The following TUBGCP3 variants were observed in gnomAD, a reference collection of about 807,000 sequenced individuals.
TUBGCP3 encodes the protein tubulin gamma complex component 3.
A neutral mutation model predicts 123.1 loss-of-function variants in TUBGCP3; 50 were observed. That is an observed-to-expected ratio of 0.41 (90% CI 0.32 to 0.51). The LOEUF is 0.51. Ranked by LOEUF, TUBGCP3 falls within the 20% of genes least tolerant of loss-of-function variation. TUBGCP3 has a pLI of 0.36. For synonymous variants in TUBGCP3, 405 were observed against 413.9 expected (o/e 0.98, Z 0.26); for missense variants, 882 against 1,127.0 (o/e 0.78, Z 3.11).
At chr13:112,558,506 T>C (rs957969087) in intron 4 of TUBGCP3, 93 bp from the exon 5 acceptor site, 1 of 1,131,000 alleles carries the variant, frequency 8.8e-7, no homozygotes, top group Non-Finnish European at 1.2e-6. Flanking sequence ...ATTTTCCTTC[T>C]ATTTCTGTAA....
At chr13:112,555,390 G>A (rs928778058) in intron 6 of TUBGCP3, among the ~76,000 whole-genome samples, 2 of 152,202 alleles carry the variant, frequency 1.3e-5, no homozygotes, top group African/African-American at 4.8e-5. Context: ...CGCAAGGACA[G>A]GTACAGGTAA....
chr13:112,534,735 C>T (rs1877902193), intron 11 of TUBGCP3, among the ~76,000 whole-genome samples: 1 of 152,124 alleles, frequency 6.6e-6, no homozygotes, highest in African/African-American at 2.4e-5. Flanking sequence ...GCCGGCATCC[C>T]TCACCAAGCG....
chr13:112,508,688 C>A lies in TUBGCP3; in HGVS notation c.2087-3974G>T, dbSNP rs1448895115. On this transcript the variant is annotated intron_variant, in intron 17 of 21. Coordinates refer to ENST00000261965, the MANE Select transcript of TUBGCP3 (RefSeq NM_006322.6). The surrounding 1 kb of genome is among the most constrained non-coding windows in gnomAD (Gnocchi z 4.2). ...CTCACAAGGTATCCTAAAAAATACTCAAATTAGCGTATTTGAATGGAATCA... is the reference window on the plus strand; with the variant it reads ...CTCACAAGGTATCCTAAAAAATACTAAAATTAGCGTATTTGAATGGAATCA... Among the ~76,000 whole-genome samples, 1 of 152,162 alleles carries A rather than the reference C, an allele frequency of 6.6e-6. No individual in the cohort carries two copies. Among genetic ancestry groups the A allele is most frequent in the Non-Finnish European group, 1.5e-5 (1 of 68,028 alleles).
intron 17 of TUBGCP3, among the ~76,000 whole-genome samples, chr13:112,509,918 G>A (rs1392361238): frequency 6.6e-6 from 1 of 152,140 alleles, no homozygotes; most frequent in Non-Finnish European, 1.5e-5. Flanking sequence ...CTGCCAACAT[G>A]CCTAGGATCT....
intron 11 of TUBGCP3, among the ~76,000 whole-genome samples, chr13:112,533,760 G>A (rs1032556695): frequency 6.8e-6 from 1 of 146,728 alleles, no homozygotes; most frequent in African/African-American, 2.5e-5. Context: ...ATTCAGTTTG[G>A]ACACACTAGA....
the TUBGCP3 span, chr13:112,605,322 T>C: frequency 6.6e-6 from 1 of 151,140 alleles, no homozygotes; most frequent in African/African-American, 2.4e-5. Context: ...ATAATGATAA[T>C]AATAATAATA....
At chr13:112,528,274 T>G (rs1459872193) in intron 11 of TUBGCP3, among the ~76,000 whole-genome samples, 1 of 152,268 alleles carries the variant, frequency 6.6e-6, no homozygotes, top group East Asian at 1.9e-4. Flanking sequence ...ATAAACTTGT[T>G]TTATAAAAGC....
intron 6 of TUBGCP3, 141 bp downstream of exon 6, chr13:112,555,911 G>C (rs1262176154): frequency 1.0e-6 from 1 of 963,330 alleles, no homozygotes; most frequent in Non-Finnish European, 1.5e-6. Flanking sequence ...CAGACCACCA[G>C]GGACTCTGGA....
chr13:112,565,018 AAT>A, intron 3 of TUBGCP3, 91 bp downstream of exon 3: 1 of 1,125,668 alleles, frequency 8.9e-7, no homozygotes, highest in Non-Finnish European at 1.2e-6. Context: ...AGAAAAGTTT[AAT>A]ATGATACCAC....
At chr13:112,551,060 C>T (rs9549541) in intron 8 of TUBGCP3, among the ~76,000 whole-genome samples, 22,518 of 151,974 alleles carry the variant, frequency 0.15, 1,977 homozygotes, top group Non-Finnish European at 0.2. Context: ...GATCGCGCCA[C>T]TGCACTCCAG....
chr13:112,590,160 T>G (rs538911575), upstream of TUBGCP3, among the ~76,000 whole-genome samples: 1 of 152,228 alleles, frequency 6.6e-6, no homozygotes, highest in Non-Finnish European at 1.5e-5. Flanking sequence ...GTATTTTTAG[T>G]AGAGACGGGG....
chr13:112,505,743 T>C (rs1881252414), intron 17 of TUBGCP3, among the ~76,000 whole-genome samples: 1 of 152,244 alleles, frequency 6.6e-6, no homozygotes, highest in Non-Finnish European at 1.5e-5. Flanking sequence ...GACGATCAAC[T>C]TATACAAGCA....
chr13:112,523,271 G>A (rs1014902167), intron 13 of TUBGCP3, among the ~76,000 whole-genome samples: 1 of 152,230 alleles, frequency 6.6e-6, no homozygotes, highest in Non-Finnish European at 1.5e-5. Context: ...GCTAGCTGAA[G>A]ACTAAGCAAG....
chr13:112,536,756 T>C (rs1382524140), intron 11 of TUBGCP3, among the ~76,000 whole-genome samples: 3 of 152,140 alleles, frequency 2.0e-5, no homozygotes, highest in African/African-American at 7.2e-5. Context: ...ATAAATCAGA[T>C]CAAGTATCTG....
chr13:112,524,269 G>A lies in TUBGCP3; in HGVS notation c.1556-1760C>T, dbSNP rs1339625675. ...AGCTGTTAAATTGTCTTGGTTTTTT[G>A]TGTATTTTTTTAGTGGCTGCCTTTT... is the stretch of plus-strand genomic sequence containing the variant. On this transcript the variant is annotated intron_variant, in intron 13 of 21. Coordinates refer to ENST00000261965, the MANE Select transcript of TUBGCP3 (RefSeq NM_006322.6). The surrounding 1 kb of genome is among the most constrained non-coding windows in gnomAD (Gnocchi z 4.4). Among the ~76,000 whole-genome samples, 1 of 152,188 alleles carries A rather than the reference G, an allele frequency of 6.6e-6. No homozygotes were observed. Among genetic ancestry groups the A allele is most frequent in the Non-Finnish European group, 1.5e-5 (1 of 68,034 alleles).
intron 20 of TUBGCP3, among the ~76,000 whole-genome samples, chr13:112,492,531 C>A (rs375982486): frequency 6.6e-6 from 1 of 152,268 alleles, no homozygotes; most frequent in African/African-American, 2.4e-5. Context: ...CCAATGACCA[C>A]CTCTCCCCCC....
At chr13:112,565,004 T>A in intron 3 of TUBGCP3, 107 bp downstream of exon 3, 1 of 892,788 alleles carries the variant, frequency 1.1e-6, no homozygotes, top group Non-Finnish European at 1.6e-6. Context: ...CAATTACCAA[T>A]TATAGAAAAG....
At chr13:112,504,405 T>C (rs1235421917) in intron 18 of TUBGCP3, among the ~76,000 whole-genome samples, 1 of 151,070 alleles carries the variant, frequency 6.6e-6, no homozygotes, top group Non-Finnish European at 1.5e-5. Flanking sequence ...GGAGAATCGC[T>C]TGAACCCAGG....
At chr13:112,568,223 C>G (rs985193684) in intron 2 of TUBGCP3, among the ~76,000 whole-genome samples, 3 of 152,044 alleles carry the variant, frequency 2.0e-5, no homozygotes, top group African/African-American at 7.2e-5. Context: ...TCACTAAGAC[C>G]CAAGGCCAAA....
Sources: allele counts gnomAD v4.1 joint callset (sites outside exome capture counted in the v4.1 genomes callset), GRCh38; gene constraint gnomAD v4.1.1; non-coding constraint Gnocchi (gnomAD v3.1); transcripts MANE v1.5; gene names NCBI Gene and HGNC (gene_info 2026-07-23, HGNC 2026-07-21).